The following PREP variants were observed in gnomAD, a reference collection of about 807,000 sequenced individuals.
The protein encoded by PREP is prolyl endopeptidase.
PREP carries 29 observed loss-of-function variants against 87.6 expected under a neutral mutation model. The observed-to-expected ratio is 0.33, with a 90% CI of 0.25 to 0.45. The LOEUF is 0.45. PREP is among the 20% of genes least tolerant of loss of function. The pLI is 1.00. For missense variants in PREP, 695 were observed against 886.5 expected (o/e 0.78, Z 2.74); for synonymous variants, 337 against 328.6 (o/e 1.03, Z -0.28).
Position 105,281,715 on chromosome 6 carries a change from TAACAACATATATATGTCAATA to T in PREP, c.1838+10_1838+30del, listed in dbSNP as rs1770084738. 1 of 1,602,636 alleles carries T rather than the reference TAACAACATATATATGTCAATA, an allele frequency of 6.2e-7. No individual in the cohort carries two copies. On this transcript the variant is annotated intron_variant, in intron 14 of 14. Transcript: ENST00000652536. ...TGTGTTCAACTTTATATCAAACCAC[TAACAACATATATATGTCAATA>T]AAACCTTACTTGACAAGCCATTCAA...
intron 12 of PREP, among the ~76,000 whole-genome samples, chr6:105,284,674 A>G (rs1770153592): frequency 6.6e-6 from 1 of 152,172 alleles, no homozygotes; most frequent in Non-Finnish European, 1.5e-5. Flanking sequence ...TCCCCCAAAG[A>G]CACAGGACAA....
intron 10 of PREP, among the ~76,000 whole-genome samples, chr6:105,317,795 A>G (rs1414081823): frequency 1.3e-5 from 2 of 152,170 alleles, no homozygotes; most frequent in African/African-American, 4.8e-5. Flanking sequence ...GTGCCAGGCA[A>G]TCCCTCAGAG....
At position 105,288,929 on chromosome 6, in the gene PREP, AT is replaced by A. The variant is rs1177937518; in HGVS notation, c.1318-36del. ...AAGAAAGCAGAATATAAGATTTAGC[AT>A]TACTTAGTAGATACTGCGTGCTTTT... On this transcript the variant is annotated intron_variant, in intron 10 of 14. Transcript: ENST00000652536. 1.9e-6 allele frequency: 3 copies of A among 1,588,344 alleles called. No individual in the cohort carries two copies. The Admixed American group carries it at 5.0e-5, about 27-fold the overall frequency.
chr6:105,382,414 A>G (rs1417192167), intron 2 of PREP, among the ~76,000 whole-genome samples: 1 of 152,080 alleles, frequency 6.6e-6, no homozygotes, highest in Non-Finnish European at 1.5e-5. Context: ...AAATATATAC[A>G]ATTTTCACCT....
At chr6:105,302,918 T>C in intron 10 of PREP, 1 of 223,336 alleles carries the variant, frequency 4.5e-6, no homozygotes. Flanking sequence ...GGTCCGGAGC[T>C]CAAAGTCATT....
chr6:105,396,214 T>TA (rs142658864), intron 2 of PREP, among the ~76,000 whole-genome samples: 8,448 of 152,294 alleles, frequency 0.055, 304 homozygotes, highest in South Asian at 0.19. Flanking sequence ...TGAAGGGAGT[T>TA]AGAGAAAGAA....
At chr6:105,329,145 T>C in intron 8 of PREP, 119 bp from the exon 9 acceptor site, 1 of 968,720 alleles carries the variant, frequency 1.0e-6, no homozygotes, top group Admixed American at 2.5e-5. Flanking sequence ...ACTTGCAAAG[T>C]CACTTTTACA....
chr6:105,279,549 C>A lies in PREP; in HGVS notation c.1839-1111G>T, dbSNP rs576500154. Among the ~76,000 whole-genome samples the A allele has an allele frequency of 2.0e-5, 3 of 152,334 alleles. No individual in the cohort carries two copies. In the South Asian group the frequency reaches 6.2e-4, roughly 32 times the overall value. Reference sequence around the variant, plus strand: ...ACATTAGGCTTTATTTATCGCCCAGCCATTCAAACTTGGAGCTCTAGCTCT... The same window carrying A: ...ACATTAGGCTTTATTTATCGCCCAGACATTCAAACTTGGAGCTCTAGCTCT... On this transcript the variant is annotated intron_variant, in intron 14 of 14. Transcript: ENST00000652536.
intron 12 of PREP, among the ~76,000 whole-genome samples, chr6:105,284,229 T>C (rs948166068): frequency 1.3e-5 from 2 of 152,176 alleles, no homozygotes; most frequent in Non-Finnish European, 2.9e-5. Context: ...CTGGGGATGA[T>C]AACTGGCAAC....
chr6:105,302,072 T>C (rs1369646663), intron 10 of PREP, among the ~76,000 whole-genome samples: 2 of 152,238 alleles, frequency 1.3e-5, no homozygotes, highest in Non-Finnish European at 2.9e-5. Flanking sequence ...GACTTGATTG[T>C]AGAACATCAA....
At chr6:105,355,274 C>T (rs1772066714) in intron 6 of PREP, among the ~76,000 whole-genome samples, 3 of 151,940 alleles carry the variant, frequency 2.0e-5, no homozygotes, top group Middle Eastern at 3.2e-3. Flanking sequence ...TTAGTAGAGA[C>T]GGAGTTTCAC....
intron 10 of PREP, among the ~76,000 whole-genome samples, chr6:105,289,963 G>A (rs868120742): frequency 3.9e-5 from 6 of 152,100 alleles, no homozygotes; most frequent in Non-Finnish European, 7.4e-5. Context: ...GGCGGAGGGG[G>A]AGAGTGGCAG....
chr6:105,338,123 G>A (rs1455310680), intron 7 of PREP, among the ~76,000 whole-genome samples: 2 of 152,194 alleles, frequency 1.3e-5, no homozygotes, highest in Non-Finnish European at 2.9e-5. Context: ...ACAATTTTCT[G>A]GACTATGACA....
chr6:105,401,682 T>G, intron 1 of PREP, among the ~76,000 whole-genome samples: 1 of 152,164 alleles, frequency 6.6e-6, no homozygotes, highest in Non-Finnish European at 1.5e-5. Flanking sequence ...AGCAAGCAGC[T>G]GAGCAGACTG....
intron 7 of PREP, among the ~76,000 whole-genome samples, chr6:105,335,806 T>C (rs988684414): frequency 1.3e-5 from 2 of 152,024 alleles, no homozygotes; most frequent in African/African-American, 4.8e-5. Flanking sequence ...GGCAGGAGAA[T>C]GGCGTGAACC....
rs115340841 is a variant in PREP at position 105,290,748 on chromosome 6, T to C, written c.1318-1854A>G. ...ACAAAGGCATCCTTGGAGAAAACCA[T>C]TGAAAGCACAAAGTTCCCATTATCC... On this transcript the variant is annotated intron_variant, in intron 10 of 14. Transcript: ENST00000652536. Among the ~76,000 whole-genome samples the C allele has an allele frequency of 5.8e-3, 881 of 152,288 alleles. 9 individuals carry two copies. Among genetic ancestry groups the C allele is most frequent in the African/African-American group, 0.021 (856 of 41,558 alleles).
chr6:105,309,172 A>G (rs1462531953), intron 10 of PREP, among the ~76,000 whole-genome samples: 1 of 152,050 alleles, frequency 6.6e-6, no homozygotes, highest in Non-Finnish European at 1.5e-5. Context: ...AAGGCTGGTC[A>G]AACTGGCAGC....
chr6:105,316,422 G>A (rs528554677), intron 10 of PREP, among the ~76,000 whole-genome samples: 6 of 152,282 alleles, frequency 3.9e-5, no homozygotes, highest in Admixed American at 2.6e-4. Flanking sequence ...AATGACGATC[G>A]TCACATCAAA....
Position 105,278,398 on chromosome 6 carries a change from C to T in PREP, c.1879G>A (p.Asp627Asn). 3 of 1,613,910 alleles carry T rather than the reference C, an allele frequency of 1.9e-6. No individual in the cohort carries two copies. Among genetic ancestry groups the T allele is most frequent in the Non-Finnish European group, 2.5e-6 (3 of 1,179,772 alleles). Residue 627 changes from aspartate (D) to asparagine (N), a missense_variant, in exon 15 of 15, where the codon GAC becomes AAC. Coordinates refer to ENST00000652536, the MANE Select transcript of PREP (RefSeq NM_002726.5). The surrounding 1 kb of genome is among the most constrained non-coding windows in gnomAD (Gnocchi z 4.2). Reference sequence around the variant, plus strand: ...AGCAGCATGGACGGGTACTGGATGTCATCTGCTTCTGGTAACTTCACATTA... The same window carrying T: ...AGCAGCATGGACGGGTACTGGATGTTATCTGCTTCTGGTAACTTCACATTA... ...LHNVKLPEAD[D>N]IQYPSMLLLT...
Sources: gnomAD v4.1 joint callset for allele counts (sites outside exome capture counted in the v4.1 genomes callset) on GRCh38, gnomAD v4.1.1 for gene constraint, Gnocchi (gnomAD v3.1) non-coding constraint, MANE v1.5 for transcripts, NCBI Gene and HGNC (gene_info 2026-07-23, HGNC 2026-07-21) for gene names.